The following FER1L6 variants were observed in gnomAD, a reference collection of about 807,000 sequenced individuals.
FER1L6 encodes fer-1 like family member 6.
Under a neutral mutation model 219.2 loss-of-function variants are expected in FER1L6, and 177 were observed. That is an observed-to-expected ratio of 0.81 (90% CI 0.71 to 0.91). The LOEUF (loss-of-function observed/expected upper bound fraction) is 0.91, where lower values mean the gene tolerates loss of function less well. Ranked by LOEUF, FER1L6 falls within the 40% of genes least tolerant of loss-of-function variation. The pLI is 0.00. For missense variants in FER1L6, 2,153 were observed against 2,259.9 expected (o/e 0.95, Z 0.96); for synonymous variants, 768 against 824.3 (o/e 0.93, Z 1.17).
rs944612741 is a variant in FER1L6, at chr8:123,852,632, A to C, written c.-8+447A>C. ...CATAGAAAATGTGGGGCCTCTCACA[A>C]GATTGTTAGACTTTTAAAACATAAA... On this transcript the variant is annotated intron_variant, in intron 1 of 40. Transcript: ENST00000522917. This position sits in a 1 kb window ranked among gnomAD's most constrained non-coding sequence, Gnocchi z 4.9. 6.6e-6 allele frequency among the ~76,000 whole-genome samples: 1 copy of C among 152,256 alleles called. No individual in the cohort carries two copies. Among genetic ancestry groups the C allele is most frequent in the East Asian group, 1.9e-4 (1 of 5,188 alleles).
chr8:123,855,699 GTGTA>G (rs1234714019), intron 1 of FER1L6, among the ~76,000 whole-genome samples: 2 of 94,882 alleles, frequency 2.1e-5, no homozygotes, highest in Admixed American at 9.6e-5. Context: ...GTGTGTGTGT[GTGTA>G]TATGTACACA....
At chr8:124,031,955 A>T (rs1369160713) in intron 18 of FER1L6, among the ~76,000 whole-genome samples, 1 of 152,174 alleles carries the variant, frequency 6.6e-6, no homozygotes, top group Non-Finnish European at 1.5e-5. Flanking sequence ...ATTTGCATAT[A>T]TTTTTTTAAA....
intron 13 of FER1L6, among the ~76,000 whole-genome samples, chr8:124,008,037 A>G (rs891561161): frequency 1.3e-5 from 2 of 152,184 alleles, no homozygotes; most frequent in Admixed American, 1.3e-4. Context: ...TGGTGCACCC[A>G]TCACCTGAGC....
chr8:124,100,329 C>T (rs962675625), intron 37 of FER1L6, among the ~76,000 whole-genome samples: 5 of 152,102 alleles, frequency 3.3e-5, no homozygotes, highest in Non-Finnish European at 7.4e-5. Flanking sequence ...AATACTAAGA[C>T]GAAAGAACAT....
intron 1 of FER1L6, among the ~76,000 whole-genome samples, chr8:123,898,038 C>A (rs766468086): frequency 2.6e-5 from 4 of 151,892 alleles, no homozygotes; most frequent in African/African-American, 9.7e-5. Flanking sequence ...TTTTGTGCAT[C>A]TCTGACTTAA....
intron 1 of FER1L6, chr8:123,939,225 T>C (rs1307287295): frequency 1.0e-6 from 1 of 981,182 alleles, no homozygotes; most frequent in East Asian, 1.1e-4. Flanking sequence ...GTCCATTCAG[T>C]TTGGGAACCA....
At chr8:123,920,060 T>C (rs4596635) in intron 1 of FER1L6, among the ~76,000 whole-genome samples, 46,294 of 152,148 alleles carry the variant, frequency 0.3, 7,358 homozygotes, top group East Asian at 0.45. Flanking sequence ...AATTGCAAGG[T>C]GGTGACTGCA....
intron 1 of FER1L6, among the ~76,000 whole-genome samples, chr8:123,898,806 C>CATATATATACATATGTGTATAT (rs1554613197): frequency 9.2e-5 from 7 of 76,164 alleles, no homozygotes; most frequent in African/African-American, 2.4e-4. Flanking sequence ...CATATATACA[C>CATATATATACATATGTGTATAT]ATATATATAC....
At chr8:124,059,723 G>T (rs951753592) in intron 22 of FER1L6, among the ~76,000 whole-genome samples, 1 of 152,208 alleles carries the variant, frequency 6.6e-6, no homozygotes, top group African/African-American at 2.4e-5. Flanking sequence ...TATTGTAGTA[G>T]TAGTATTAGT....
At chr8:123,920,348 A>G (rs1260967358) in intron 1 of FER1L6, among the ~76,000 whole-genome samples, 1 of 152,164 alleles carries the variant, frequency 6.6e-6, no homozygotes, top group African/African-American at 2.4e-5. Context: ...AAATCCATGG[A>G]TCCTTCTTTG....
chr8:124,026,007 A>G (rs1818691466), intron 18 of FER1L6, among the ~76,000 whole-genome samples: 1 of 152,170 alleles, frequency 6.6e-6, no homozygotes, highest in Non-Finnish European at 1.5e-5. Flanking sequence ...GTGACTTTAA[A>G]TTGTAAAAAT....
At chr8:124,084,574 G>A (rs1404299368) in intron 33 of FER1L6, among the ~76,000 whole-genome samples, 4 of 152,122 alleles carry the variant, frequency 2.6e-5, no homozygotes, top group Non-Finnish European at 5.9e-5. Flanking sequence ...CTGATTGATT[G>A]TGTATGTCAA....
rs1216349675 is a variant in FER1L6 at position 124,094,992 on chromosome 8, T to A, written c.4649T>A (p.Ile1550Lys). Reference sequence around the variant, plus strand: ...GGGTGTAGGCTGGTTCCTGAACACATAGAAACTCGGCCACTGTACCACAAG... The same window carrying A: ...GGGTGTAGGCTGGTTCCTGAACACAAAGAAACTCGGCCACTGTACCACAAG... ...EVGCRLVPEH[I>K]ETRPLYHKDK... is the part of the protein sequence containing the mutation. Residue 1550 changes from isoleucine to lysine, a missense_variant, in exon 35 of 41, where the codon ATA becomes AAA. Transcript: ENST00000522917. 2 of 1,614,084 alleles carry A rather than the reference T, an allele frequency of 1.2e-6. No homozygotes were observed. The highest frequency in any genetic ancestry group is 1.3e-5 in the African/African-American group (1 of 75,028).
intron 1 of FER1L6, among the ~76,000 whole-genome samples, chr8:123,896,695 CCTT>C (rs1812747009): frequency 6.6e-6 from 1 of 152,162 alleles, no homozygotes; most frequent in African/African-American, 2.4e-5. Context: ...ATTTGTTCTT[CCTT>C]CTTAAAGACA....
intron 1 of FER1L6, among the ~76,000 whole-genome samples, chr8:123,924,432 C>T (rs1347011951): frequency 6.6e-6 from 1 of 151,586 alleles, no homozygotes; most frequent in Admixed American, 6.6e-5. Flanking sequence ...ATCCCAGCTA[C>T]TTGGGAGGCT....
intron 1 of FER1L6, among the ~76,000 whole-genome samples, chr8:123,863,904 A>G (rs1247509499): frequency 2.7e-5 from 4 of 148,642 alleles, no homozygotes; most frequent in Admixed American, 6.7e-5. Flanking sequence ...TCCTGAGTAC[A>G]GCACACTGAT....
chr8:124,056,781 C>T (rs980811610), intron 22 of FER1L6, among the ~76,000 whole-genome samples: 1 of 152,178 alleles, frequency 6.6e-6, no homozygotes, highest in Non-Finnish European at 1.5e-5. Context: ...CACAGTGGCT[C>T]ACACCTGTAA....
chr8:123,971,464 A>G (rs550611625), intron 6 of FER1L6, among the ~76,000 whole-genome samples: 1 of 152,360 alleles, frequency 6.6e-6, no homozygotes, highest in South Asian at 2.1e-4. Flanking sequence ...TTGTCTGATG[A>G]ACAGTTAATC....
At chr8:123,986,464 A>G (rs1291298787) in intron 12 of FER1L6, among the ~76,000 whole-genome samples, 2 of 152,188 alleles carry the variant, frequency 1.3e-5, no homozygotes, top group East Asian at 3.9e-4. Context: ...CCACTAGGGT[A>G]TATAGGGGAT....
Sources: allele counts gnomAD v4.1 joint callset (sites outside exome capture counted in the v4.1 genomes callset), GRCh38; gene constraint gnomAD v4.1.1; non-coding constraint Gnocchi (gnomAD v3.1); transcripts MANE v1.5; gene names NCBI Gene and HGNC (gene_info 2026-07-23, HGNC 2026-07-21).